Variants in SLC12A6 observed in about 807,000 individuals in gnomAD.
SLC12A6 encodes K-Cl cotransporter 3.
A neutral mutation model predicts 135.3 loss-of-function variants in SLC12A6; 66 were observed. That is an observed-to-expected ratio of 0.49 (90% CI 0.40 to 0.60). The LOEUF is 0.60. SLC12A6 is among the 20% of genes least tolerant of loss of function. The probability of loss-of-function intolerance (pLI) is 0.00; values close to 1 mark genes in which losing one functional copy is unlikely to be tolerated. For missense variants in SLC12A6, 1,058 were observed against 1,452.3 expected (o/e 0.73, Z 4.41); for synonymous variants, 513 against 508.8 (o/e 1.01, Z -0.11).
chr15:34,312,988 C>T (rs1353480266), intron 2 of SLC12A6, among the ~76,000 whole-genome samples: 1 of 152,208 alleles, frequency 6.6e-6, no homozygotes, highest in Non-Finnish European at 1.5e-5. Flanking sequence ...CTGACCACTC[C>T]ATCAACCAGC....
chr15:34,328,312 T>C (rs557066303), intron 2 of SLC12A6, among the ~76,000 whole-genome samples: 28 of 152,324 alleles, frequency 1.8e-4, no homozygotes, highest in African/African-American at 6.7e-4. Context: ...GACTGACTTA[T>C]TTACAATACT....
rs1221198929 is a variant in SLC12A6, at chr15:34,300,791, C to T, written c.272-25402G>A. Among the ~76,000 whole-genome samples the T allele has an allele frequency of 6.8e-5, 6 of 87,596 alleles. No homozygotes were observed. In the East Asian group the frequency reaches 1.8e-3, roughly 26 times the overall value. 57.5% of individuals were successfully genotyped at this position (87,596 alleles called of 152,430 possible). On this transcript the variant is annotated intron_variant, in intron 2 of 25. Transcript: ENST00000354181. ...GGCCTGGGAGACAGAGTGACTCCGT[C>T]TCAAAAAAAAAAAAAAAAAAAAAAG...
Position 34,261,013 on chromosome 15 carries a change from T to G in SLC12A6, c.324A>C (p.Gly108=). The G allele has an allele frequency of 1.3e-6, 2 of 1,543,938 alleles. No homozygotes were observed. Among genetic ancestry groups the G allele is most frequent in the Non-Finnish European group, 1.8e-6 (2 of 1,116,244 alleles). The change falls in exon 4 of 26, where the codon GGA becomes GGC. Residue 108 remains glycine, a synonymous_variant. Transcript: ENST00000354181. ...TGEHSQLLDD[G]HKKARNAYLN... ...GATAAGCATTTCGAGCTTTCTTATG[T>G]CCGTCGTCTGGAAAAAAAAAAGTAG... is the stretch of plus-strand genomic sequence containing the variant.
intron 2 of SLC12A6, among the ~76,000 whole-genome samples, chr15:34,295,872 T>C (rs542813954): frequency 9.9e-5 from 15 of 152,096 alleles, no homozygotes; most frequent in African/African-American, 3.6e-4. Context: ...TGGTGGCACA[T>C]GCGTGTAAGC....
rs1327167660 is a variant in SLC12A6 at position 34,250,302 on chromosome 15, C to T, written c.1645G>A (p.Asp549Asn). 5.2e-6 allele frequency: 8 copies of T among 1,538,406 alleles called. No homozygotes were observed. Among genetic ancestry groups the T allele is most frequent in the Non-Finnish European group, 7.2e-6 (8 of 1,111,020 alleles). Residue 549 changes from aspartate (D) to asparagine (N), a missense_variant, in exon 13 of 26, where the codon GAC becomes AAC. Coordinates refer to ENST00000354181, the MANE Select transcript of SLC12A6 (RefSeq NM_001365088.1). ...GACIEGVVLRDKFGDAVKGNL... is the reference protein window; with the variant it reads ...GACIEGVVLRNKFGDAVKGNL... ...ACAAAGAAATTCATTACTCACTTGTCTCTGAGAACAACCCCTTCAATACAT... is the reference window on the plus strand; with the variant it reads ...ACAAAGAAATTCATTACTCACTTGTTTCTGAGAACAACCCCTTCAATACAT...
At chr15:34,248,237 A>G (rs1892135142) in intron 13 of SLC12A6, among the ~76,000 whole-genome samples, 1 of 152,164 alleles carries the variant, frequency 6.6e-6, no homozygotes, top group Admixed American at 6.5e-5. Flanking sequence ...TTGGCTATTA[A>G]GAATACTTAT....
chr15:34,331,742 T>C (rs1008706473), intron 2 of SLC12A6, among the ~76,000 whole-genome samples: 1 of 152,160 alleles, frequency 6.6e-6, no homozygotes, highest in Non-Finnish European at 1.5e-5. Flanking sequence ...TATAGCAATA[T>C]AGGGACAAAA....
chr15:34,293,061 C>T (rs1346838848), intron 2 of SLC12A6, among the ~76,000 whole-genome samples: 2 of 152,128 alleles, frequency 1.3e-5, no homozygotes, highest in African/African-American at 2.4e-5. Flanking sequence ...CCAGGTACCT[C>T]AGTTGGAAAT....
rs575310127 is a variant in SLC12A6 at position 34,318,809 on chromosome 15, G to T, written c.271+17601C>A. 2.1e-3 allele frequency: 3,205 copies of T among 1,543,358 alleles called. 3 individuals carry two copies. Among genetic ancestry groups the T allele is most frequent in the Non-Finnish European group, 2.6e-3 (2,931 of 1,147,788 alleles). On this transcript the variant is annotated intron_variant, in intron 2 of 25. Coordinates refer to ENST00000354181, the MANE Select transcript of SLC12A6 (RefSeq NM_001365088.1). ...CTACAAGAGACAGTGGCTGGGATTC[G>T]GGAAGTACTTTAAGCTCACGTGACC...
intron 3 of SLC12A6, among the ~76,000 whole-genome samples, chr15:34,274,233 T>G (rs1894149040): frequency 6.6e-6 from 1 of 152,162 alleles, no homozygotes; most frequent in Admixed American, 6.5e-5. Flanking sequence ...GGTAAAATGT[T>G]AAGTAAAAAG....
At chr15:34,320,895 C>A (rs1197802757) in intron 2 of SLC12A6, among the ~76,000 whole-genome samples, 1 of 150,812 alleles carries the variant, frequency 6.6e-6, no homozygotes, top group Admixed American at 6.6e-5. Context: ...GGCGACAGAG[C>A]AAGACTCGTC....
chr15:34,254,513 A>G lies in SLC12A6; in HGVS notation c.953T>C (p.Met318Thr), dbSNP rs777759928. The G allele has an allele frequency of 1.6e-5, 26 of 1,613,010 alleles. No homozygotes were observed. Among genetic ancestry groups the G allele is most frequent in the Non-Finnish European group, 2.2e-5 (26 of 1,179,030 alleles). The part of the protein sequence containing the change: ...LKESAAMLNN[M>T]RVYGTAFLVL... ...CAAGAAAGCTGTGCCGTAGACACGC[A>G]TGTTATTTAGCATGGCTGCTGATTC... Residue 318 changes from methionine (M) to threonine (T), a missense_variant, in exon 9 of 26, where the codon ATG becomes ACG. Transcript: ENST00000354181.
chr15:34,238,931 G>C, intron 20 of SLC12A6, 34 bp downstream of exon 20: 1 of 1,554,038 alleles, frequency 6.4e-7, no homozygotes, highest in Non-Finnish European at 8.9e-7. Context: ...CCCTCGACTT[G>C]GGCCTTTAGG....
chr15:34,241,101 T>C, intron 18 of SLC12A6, 132 bp downstream of exon 18: 1 of 702,816 alleles, frequency 1.4e-6, no homozygotes, highest in South Asian at 1.6e-5. Flanking sequence ...ATTAAGGATT[T>C]AGAATAGTTC....
intron 13 of SLC12A6, among the ~76,000 whole-genome samples, chr15:34,248,934 G>A (rs747390665): frequency 1.3e-5 from 2 of 152,084 alleles, no homozygotes; most frequent in East Asian, 1.9e-4. Flanking sequence ...GTGTTTATAC[G>A]TGGAGACATA....
In SLC12A6 at chr15:34,336,655, TTGG is replaced by T. The variant is rs768255547; in HGVS notation, c.23_25del (p.Thr8del). The T allele has an allele frequency of 3.5e-5, 57 of 1,614,014 alleles. No homozygotes were observed. The highest frequency in any genetic ancestry group is 4.3e-5 in the Non-Finnish European group (51 of 1,179,962). ...CACCATGAACCGAACTGAAGCCATC[TTGG>T]TGGTGGTTTCTGGAGGATGCATTTT... On this transcript the variant is annotated inframe_deletion, in exon 2 of 26. Transcript: ENST00000354181.
At chr15:34,296,334 A>G (rs1895877742) in intron 2 of SLC12A6, among the ~76,000 whole-genome samples, 1 of 152,132 alleles carries the variant, frequency 6.6e-6, no homozygotes, top group Admixed American at 6.5e-5. Context: ...ATTTTCACAT[A>G]TTTCTTTTGG....
chr15:34,323,942 A>G (rs1889293958), intron 2 of SLC12A6, among the ~76,000 whole-genome samples: 1 of 151,098 alleles, frequency 6.6e-6, no homozygotes, highest in Admixed American at 6.6e-5. Context: ...TCTTGTCTCA[A>G]AAAAAAAAGA....
At chr15:34,321,243 G>A (rs1889070459) in intron 2 of SLC12A6, among the ~76,000 whole-genome samples, 1 of 152,168 alleles carries the variant, frequency 6.6e-6, no homozygotes, top group Non-Finnish European at 1.5e-5. Flanking sequence ...CACTGGTTTG[G>A]CTGCACAGGT....
Sources: gnomAD v4.1 joint callset for allele counts (sites outside exome capture counted in the v4.1 genomes callset) on GRCh38, gnomAD v4.1.1 for gene constraint, MANE v1.5 for transcripts, NCBI Gene and HGNC (gene_info 2026-07-23, HGNC 2026-07-21) for gene names.